The following SRC variants were observed in gnomAD, a reference collection of about 807,000 sequenced individuals.
SRC encodes the protein proto-oncogene tyrosine-protein kinase Src.
SRC carries 13 observed loss-of-function variants against 62.9 expected under a neutral mutation model. The observed-to-expected ratio is 0.21, with a 90% confidence interval of 0.13 to 0.33. The LOEUF is 0.33. Ranked by LOEUF, SRC falls within the 10% of genes least tolerant of loss-of-function variation. The pLI, the probability that SRC is intolerant of heterozygous loss-of-function variation, is 1.00. For missense variants in SRC, 457 were observed against 737.3 expected (o/e 0.62, Z 4.40); for synonymous variants, 302 against 317.5 (o/e 0.95, Z 0.52).
intron 5 of SRC, among the ~76,000 whole-genome samples, chr20:37,390,964 C>T (rs1029930315): frequency 6.6e-6 from 1 of 152,178 alleles, no homozygotes; most frequent in Non-Finnish European, 1.5e-5. Context: ...TGAAATGAAA[C>T]CTCCAGACTA....
In SRC at chr20:37,361,827, GTAGAGAT is replaced by G. The variant is rs1568621617; in HGVS notation, c.-246-3376_-246-3370del. Among the ~76,000 whole-genome samples, 298 of 36,970 alleles carry G rather than the reference GTAGAGAT, an allele frequency of 8.1e-3. 20 individuals are homozygous for G. In the African/African-American group the frequency reaches 0.081, roughly 10 times the overall value. 24.3% of individuals were successfully genotyped at this position (36,970 alleles called of 152,430 possible). ...GAGATGCCGGGGTCTCTGTGTGCAG[GTAGAGAT>G]GTAGAGATGCCGGGGTCTCTGTGTG... On this transcript the variant is annotated intron_variant, in intron 1 of 13. Transcript: ENST00000373578.
At chr20:37,386,980 G>A (rs553849703) in intron 5 of SRC, among the ~76,000 whole-genome samples, 64 of 152,366 alleles carry the variant, frequency 4.2e-4, no homozygotes, top group African/African-American at 1.3e-3. Context: ...CAAGGGCCTC[G>A]AAGGAAAGCC....
Position 37,380,720 on chromosome 20 carries a change from G to A in SRC, c.-172-1899G>A, listed in dbSNP as rs6066129. 5.3e-3 allele frequency among the ~76,000 whole-genome samples: 806 copies of A among 152,280 alleles called. 4 individuals are homozygous for A. The highest frequency in any genetic ancestry group is 9.7e-3 in the Non-Finnish European group (660 of 68,020). ...GATCCTGCCTGGCCCTGACAGCCGC[G>A]AGTGCACAGTGGAGGGCACTGGGTG... On this transcript the variant is annotated intron_variant, in intron 2 of 13. Coordinates refer to ENST00000373578, the MANE Select transcript of SRC (RefSeq NM_198291.3).
intron 2 of SRC, among the ~76,000 whole-genome samples, chr20:37,371,711 C>T (rs2070168029): frequency 6.6e-6 from 1 of 151,528 alleles, no homozygotes; most frequent in Admixed American, 6.6e-5. Context: ...TATTTATTTA[C>T]TTATTTTGAG....
intron 2 of SRC, among the ~76,000 whole-genome samples, chr20:37,373,223 C>T (rs568943512): frequency 0.17 from 26,004 of 151,228 alleles, 3,965 homozygotes; most frequent in African/African-American, 0.41. Flanking sequence ...CATGTACATA[C>T]GTACACACAT....
chr20:37,371,994 C>T (rs1412479273), intron 2 of SRC, among the ~76,000 whole-genome samples: 1 of 151,966 alleles, frequency 6.6e-6, no homozygotes, highest in Non-Finnish European at 1.5e-5. Context: ...AGCCACTACA[C>T]CTGGCCTATT....
At chr20:37,380,743 G>A (rs975649861) in intron 2 of SRC, among the ~76,000 whole-genome samples, 1 of 152,210 alleles carries the variant, frequency 6.6e-6, no homozygotes, top group African/African-American at 2.4e-5. Context: ...AGGGCACTGG[G>A]TGGACCCCAG....
Position 37,397,269 on chromosome 20 carries a change from G to T in SRC, c.704-430G>T, listed in dbSNP as rs1320155992. Among the ~76,000 whole-genome samples, 1 of 152,162 alleles carries T rather than the reference G, an allele frequency of 6.6e-6. No individual in the cohort carries two copies. Among genetic ancestry groups the T allele is most frequent in the African/African-American group, 2.4e-5 (1 of 41,434 alleles). ...TCCCTACTTAACCCCTCACCGTCCT[G>T]CACATCCAAGCTCAGTTGCTGCTTC... is the stretch of plus-strand genomic sequence containing the variant. On this transcript the variant is annotated intron_variant, in intron 8 of 13. Transcript: ENST00000373578. The surrounding 1 kb of genome is among the most constrained non-coding windows in gnomAD (Gnocchi z 4.1).
chr20:37,363,488 G>A (rs962655482), intron 1 of SRC, among the ~76,000 whole-genome samples: 9 of 151,994 alleles, frequency 5.9e-5, no homozygotes, highest in Non-Finnish European at 8.8e-5. Context: ...GGTGTCCCTC[G>A]GATCTGGCTG....
chr20:37,354,689 A>G lies in SRC; in HGVS notation c.-247+8434A>G, dbSNP rs186928118. On this transcript the variant is annotated intron_variant, in intron 1 of 13. Coordinates refer to ENST00000373578, the MANE Select transcript of SRC (RefSeq NM_198291.3). Reference sequence around the variant, plus strand: ...TGTCCCTGAGTTGTGCCAAGTCCTCAAGGCTGGGCCTGGTTGGGAGACTGC... The same window carrying G: ...TGTCCCTGAGTTGTGCCAAGTCCTCGAGGCTGGGCCTGGTTGGGAGACTGC... Among the ~76,000 whole-genome samples, 1,479 of 152,264 alleles carry G rather than the reference A, an allele frequency of 9.7e-3. 11 individuals are homozygous for G. The highest frequency in any genetic ancestry group is 0.016 in the South Asian group (79 of 4,826).
At chr20:37,371,744 C>T (rs1230338128) in intron 2 of SRC, among the ~76,000 whole-genome samples, 1 of 152,040 alleles carries the variant, frequency 6.6e-6, no homozygotes, top group African/African-American at 2.4e-5. Context: ...TCTTGTTGCC[C>T]AGGCTAGAGT....
intron 1 of SRC, among the ~76,000 whole-genome samples, chr20:37,361,408 G>T (rs548966633): frequency 9.2e-5 from 14 of 152,362 alleles, no homozygotes; most frequent in African/African-American, 3.4e-4. Flanking sequence ...CACACAGCCA[G>T]GGGCAGGCCA....
intron 2 of SRC, among the ~76,000 whole-genome samples, chr20:37,373,183 CATGT>C (rs2070204291): frequency 6.6e-6 from 1 of 150,946 alleles, no homozygotes; most frequent in Non-Finnish European, 1.5e-5. Context: ...CACACATACA[CATGT>C]ATACATATAT....
intron 1 of SRC, among the ~76,000 whole-genome samples, chr20:37,361,496 C>A (rs895679897): frequency 6.6e-6 from 1 of 152,198 alleles, no homozygotes; most frequent in African/African-American, 2.4e-5. Context: ...CCACTAGGCG[C>A]TCCTGCCCAC....
intron 2 of SRC, among the ~76,000 whole-genome samples, chr20:37,376,778 C>T (rs751953108): frequency 7.2e-5 from 11 of 152,232 alleles, no homozygotes; most frequent in Non-Finnish European, 1.6e-4. Flanking sequence ...GCTGGAATTA[C>T]AGGCATGAGC....
chr20:37,401,465 A>G (rs2070736548), intron 10 of SRC, 137 bp from the exon 11 acceptor site: 1 of 627,452 alleles, frequency 1.6e-6, no homozygotes. Context: ...GTGAGACTTT[A>G]TTCAGAGATG....
At position 37,365,784 on chromosome 20, in the gene SRC, A is replaced by G. The variant is rs189519680; in HGVS notation, c.-173+507A>G. 3.4e-3 allele frequency among the ~76,000 whole-genome samples: 512 copies of G among 152,142 alleles called. 2 individuals carry two copies. The highest frequency in any genetic ancestry group is 5.7e-3 in the Non-Finnish European group (390 of 67,996). ...TTTTTTGTAGAGACAGAGTCTCACT[A>G]TGTTGCCTAGGCTAGTCTCGAATGC... is the stretch of plus-strand genomic sequence containing the variant. On this transcript the variant is annotated intron_variant, in intron 2 of 13. Transcript: ENST00000373578.
At chr20:37,387,638 C>T (rs1188633560) in intron 5 of SRC, among the ~76,000 whole-genome samples, 2 of 152,226 alleles carry the variant, frequency 1.3e-5, no homozygotes, top group African/African-American at 2.4e-5. Context: ...TCCTTATTGT[C>T]ACCAGCTGTT....
intron 2 of SRC, among the ~76,000 whole-genome samples, chr20:37,379,896 AAAAAAAAAAAAAAAAGGAAAAG>A (rs1463706090): frequency 1.3e-4 from 10 of 77,504 alleles, no homozygotes; most frequent in Admixed American, 4.1e-4. Flanking sequence ...ACTCCATTTC[AAAAAAAAAAAAAAAAGGAAAAG>A]AAAAAGAACG....
Sources: gnomAD v4.1 joint callset for allele counts (sites outside exome capture counted in the v4.1 genomes callset) on GRCh38, gnomAD v4.1.1 for gene constraint, Gnocchi (gnomAD v3.1) non-coding constraint, MANE v1.5 for transcripts, NCBI Gene and HGNC (gene_info 2026-07-23, HGNC 2026-07-21) for gene names.